Variants in DENND1A observed in about 807,000 individuals in gnomAD.
The protein encoded by DENND1A is DENN domain-containing protein 1A.
In DENND1A, 51 loss-of-function variants were observed where a neutral mutation model predicts 113.7. The observed-to-expected ratio is 0.45, with a 90% CI of 0.36 to 0.57. The LOEUF (loss-of-function observed/expected upper bound fraction) is 0.57, where lower values mean the gene tolerates loss of function less well. Among genes scored for constraint, DENND1A ranks in the 20% least tolerant of loss-of-function variants. DENND1A has a pLI of 0.00. For synonymous variants in DENND1A, 565 were observed against 570.8 expected (o/e 0.99, Z 0.14); for missense variants, 1,258 against 1,395.9 (o/e 0.90, Z 1.57).
chr9:123,612,483 C>A (rs889645866), intron 10 of DENND1A, among the ~76,000 whole-genome samples: 1 of 152,318 alleles, frequency 6.6e-6, no homozygotes, highest in East Asian at 1.9e-4. Context: ...CTTTCTAATA[C>A]TGGCTCACAT....
At chr9:123,895,694 G>C (rs1012493317) in intron 1 of DENND1A, among the ~76,000 whole-genome samples, 2 of 151,544 alleles carry the variant, frequency 1.3e-5, no homozygotes, top group Non-Finnish European at 1.5e-5. Flanking sequence ...AAACCTAACA[G>C]GGTTACCAAA....
chr9:123,543,677 C>T (rs958780250), intron 13 of DENND1A, among the ~76,000 whole-genome samples: 4 of 152,198 alleles, frequency 2.6e-5, no homozygotes, highest in South Asian at 2.1e-4. Context: ...CTACTTCCTG[C>T]CCCCTGCTCC....
Position 123,551,393 on chromosome 9 carries a change from G to A in DENND1A, c.993+6177C>T, listed in dbSNP as rs181981256. ...AATATATTCACTGATACCTACACAC[G>A]GTGCCACGACCTGTGCCTGGTATTG... On this transcript the variant is annotated intron_variant, in intron 13 of 23. Coordinates refer to ENST00000394215, the MANE Select transcript of DENND1A (RefSeq NM_001352964.2). Among the ~76,000 whole-genome samples the A allele has an allele frequency of 3.9e-5, 6 of 152,260 alleles. No individual in the cohort carries two copies. In the East Asian group the frequency reaches 1.2e-3, roughly 29 times the overall value.
intron 9 of DENND1A, among the ~76,000 whole-genome samples, chr9:123,639,059 AAAAAAAAGAAAGAAAG>A (rs2061876886): frequency 6.7e-6 from 1 of 148,536 alleles, no homozygotes; most frequent in Non-Finnish European, 1.5e-5. Flanking sequence ...AAAAAAAAAA[AAAAAAAAGAAAGAAAG>A]AAAAAAAAAG....
At chr9:123,617,336 G>C (rs1230585921) in intron 10 of DENND1A, among the ~76,000 whole-genome samples, 1 of 152,080 alleles carries the variant, frequency 6.6e-6, no homozygotes, top group Non-Finnish European at 1.5e-5. Flanking sequence ...CCACAGCAGA[G>C]GTGAGCTCAG....
chr9:123,641,526 A>G (rs1203519674), intron 9 of DENND1A, among the ~76,000 whole-genome samples: 1 of 151,844 alleles, frequency 6.6e-6, no homozygotes, highest in Non-Finnish European at 1.5e-5. Context: ...CCGTAAAATT[A>G]CTGAGAGCCT....
chr9:123,459,539 TA>T (rs779642733), intron 13 of DENND1A, among the ~76,000 whole-genome samples: 1,941 of 145,598 alleles, frequency 0.013, 23 homozygotes, highest in African/African-American at 0.036. Flanking sequence ...TACCCTGAGT[TA>T]AAAAAAAAAA....
At chr9:123,608,608 T>C (rs2060275113) in intron 11 of DENND1A, among the ~76,000 whole-genome samples, 1 of 152,216 alleles carries the variant, frequency 6.6e-6, no homozygotes, top group African/African-American at 2.4e-5. Flanking sequence ...ATCTAATTGG[T>C]ACAGCCATAC....
At chr9:123,581,774 C>T (rs929562855) in intron 12 of DENND1A, among the ~76,000 whole-genome samples, 3 of 152,226 alleles carry the variant, frequency 2.0e-5, no homozygotes, top group Non-Finnish European at 4.4e-5. Context: ...GACCAGGACA[C>T]ATATGAGCAC....
chr9:123,555,769 G>A (rs963787058), intron 13 of DENND1A, among the ~76,000 whole-genome samples: 7 of 152,206 alleles, frequency 4.6e-5, no homozygotes, highest in African/African-American at 1.4e-4. Context: ...CCAGCACCTT[G>A]TGCAAGTACA....
In DENND1A at chr9:123,457,332, ATG is replaced by A. The variant is rs2048200272; in HGVS notation, c.1186+14_1186+15del. 1 of 1,606,628 alleles carries A rather than the reference ATG, an allele frequency of 6.2e-7. No individual in the cohort carries two copies. The highest frequency in any genetic ancestry group is 1.3e-5 in the African/African-American group (1 of 74,784). On this transcript the variant is annotated intron_variant, in intron 15 of 23. Transcript: ENST00000394215. ...AGCAGCCTGCAGCCCCGGAAGGAAA[ATG>A]AGTTGCTTCTCACCAGCGTACTCGC...
intron 5 of DENND1A, among the ~76,000 whole-genome samples, chr9:123,720,546 A>G (rs2067265339): frequency 6.6e-6 from 1 of 152,148 alleles, no homozygotes; most frequent in Admixed American, 6.5e-5. Flanking sequence ...CCTTTCATTC[A>G]CCAAAATACA....
At chr9:123,531,369 T>C (rs138864321) in intron 13 of DENND1A, among the ~76,000 whole-genome samples, 1 of 152,152 alleles carries the variant, frequency 6.6e-6, no homozygotes, top group African/African-American at 2.4e-5. Flanking sequence ...ACTTCATTTT[T>C]AAAAAATCTT....
intron 5 of DENND1A, among the ~76,000 whole-genome samples, chr9:123,742,739 A>G (rs1050609542): frequency 2.0e-5 from 3 of 152,234 alleles, no homozygotes; most frequent in African/African-American, 2.4e-5. Flanking sequence ...TTTGAGACAC[A>G]CATTGGGAAT....
At chr9:123,721,503 C>T (rs572758074) in intron 5 of DENND1A, among the ~76,000 whole-genome samples, 2 of 152,206 alleles carry the variant, frequency 1.3e-5, no homozygotes, top group Admixed American at 1.3e-4. Context: ...TCTCCACCAA[C>T]AAAAGTGAGC....
chr9:123,533,644 G>C (rs1031108669), intron 13 of DENND1A, among the ~76,000 whole-genome samples: 2 of 152,216 alleles, frequency 1.3e-5, no homozygotes, highest in African/African-American at 2.4e-5. Flanking sequence ...GGTAGGTGGA[G>C]AGTGCTGGAT....
chr9:123,381,346 A>G lies in DENND1A; in HGVS notation c.*86T>C, dbSNP rs567413301. ...CCCTTCCCACCAGCAGAACCTGGGC[A>G]GAGAGAGAGTGGCGGGGGAGCCTCG... is the stretch of plus-strand genomic sequence containing the variant. On this transcript the variant is annotated 3_prime_UTR_variant, in exon 24 of 24. Coordinates refer to ENST00000394215, the MANE Select transcript of DENND1A (RefSeq NM_001352964.2). The surrounding 1 kb of genome is among the most constrained non-coding windows in gnomAD (Gnocchi z 4.7). 1.4e-4 allele frequency: 180 copies of G among 1,332,642 alleles called. No individual in the cohort carries two copies. The highest frequency in any genetic ancestry group is 1.8e-4 in the Non-Finnish European group (172 of 953,486). The allele number at this position is 1,332,642 out of a possible 1,614,324, so 82.6% of individuals were successfully genotyped here.
At chr9:123,499,177 G>A (rs373346982) in intron 13 of DENND1A, among the ~76,000 whole-genome samples, 23 of 152,096 alleles carry the variant, frequency 1.5e-4, no homozygotes, top group South Asian at 4.2e-4. Context: ...GGGATTACAG[G>A]CACACGCCAC....
chr9:123,707,707 A>T lies in DENND1A; in HGVS notation c.303-30918T>A, dbSNP rs532624765. Among the ~76,000 whole-genome samples the T allele has an allele frequency of 3.9e-5, 6 of 152,288 alleles. No individual in the cohort carries two copies. In the South Asian group the frequency reaches 1.2e-3, roughly 32 times the overall value. ...TGGGAGTGGAAGCCTGATTGGAATG[A>T]CTTCAGTGGAGAACTGACGACAACA... On this transcript the variant is annotated intron_variant, in intron 5 of 23. Coordinates refer to ENST00000394215, the MANE Select transcript of DENND1A (RefSeq NM_001352964.2).
Sources: gnomAD v4.1 joint callset for allele counts (sites outside exome capture counted in the v4.1 genomes callset) on GRCh38, gnomAD v4.1.1 for gene constraint, Gnocchi (gnomAD v3.1) non-coding constraint, MANE v1.5 for transcripts, NCBI Gene and HGNC (gene_info 2026-07-23, HGNC 2026-07-21) for gene names.